The following ZNF138 variants were observed in gnomAD, a reference collection of about 807,000 sequenced individuals.
ZNF138 encodes zinc finger protein 138 (clone pHZ-32).
In ZNF138, 33 loss-of-function variants were observed where a neutral mutation model predicts 33.0. The ratio of observed to expected loss-of-function variants is 1.00; its 90% CI spans 0.76 to 1.34. The LOEUF (loss-of-function observed/expected upper bound fraction) is 1.34. Ranked by LOEUF, ZNF138 falls within the 40% of genes most tolerant of loss-of-function variation. The pLI is 0.00. For missense variants in ZNF138, 360 were observed against 370.8 expected (o/e 0.97, Z 0.24); for synonymous variants, 139 against 120.4 (o/e 1.15, Z -1.01).
chr7:64,801,314 T>C lies in ZNF138; in HGVS notation c.3+6743T>C, dbSNP rs560222551. ...GGGGGCATTTAGTGCTATAAATTTT[T>C]CTGTTAGCACTGCATTAGCTGTGTT... On this transcript the variant is annotated intron_variant, in intron 1 of 3. Transcript: ENST00000307355. Among the ~76,000 whole-genome samples the C allele has an allele frequency of 3.9e-5, 6 of 152,324 alleles. No homozygotes were observed. The South Asian group carries it at 1.0e-3, about 26-fold the overall frequency.
At chr7:64,841,237 T>A in the ZNF138 span, among the ~76,000 whole-genome samples, 1 of 152,280 alleles carries the variant, frequency 6.6e-6, no homozygotes, top group South Asian at 2.1e-4. Context: ...TCCAAAATTG[T>A]GTATTTTATT....
intron 2 of ZNF138, 49 bp downstream of exon 2, chr7:64,815,093 T>A (rs1727138026): frequency 5.7e-6 from 2 of 352,320 alleles, no homozygotes; most frequent in South Asian, 8.2e-5. Flanking sequence ...AAAGGTTTCA[T>A]TTTTTTTTTT....
intron 1 of ZNF138, chr7:64,814,095 T>C: frequency 8.1e-7 from 1 of 1,227,846 alleles, no homozygotes; most frequent in Non-Finnish European, 1.0e-6. Flanking sequence ...CTCTTCCACT[T>C]ACTGGATATT....
the ZNF138 span, among the ~76,000 whole-genome samples, chr7:64,843,040 T>C: frequency 1.3e-5 from 2 of 152,358 alleles, no homozygotes; most frequent in African/African-American, 4.8e-5. Context: ...ATTAAGTTTT[T>C]TAGAATCCCT....
downstream of ZNF138, among the ~76,000 whole-genome samples, chr7:64,834,267 CTAAACTA>C (rs1382372509): frequency 3.3e-5 from 5 of 152,042 alleles, no homozygotes; most frequent in Non-Finnish European, 7.4e-5. Context: ...GGGATGCATA[CTAAACTA>C]TATTTTTCCA....
At chr7:64,852,569 C>A in the ZNF138 span, 3 of 1,560,320 alleles carry the variant, frequency 1.9e-6, no homozygotes, top group African/African-American at 2.7e-5. Context: ...TGCACAGAAC[C>A]GAGCTGTTTG....
At chr7:64,805,748 G>A (rs552346638) in intron 1 of ZNF138, among the ~76,000 whole-genome samples, 1 of 152,354 alleles carries the variant, frequency 6.6e-6, no homozygotes, top group South Asian at 2.1e-4. Context: ...CATTTCTATA[G>A]GAGAGTGAGA....
intron 1 of ZNF138, among the ~76,000 whole-genome samples, chr7:64,804,435 G>A (rs1787410603): frequency 6.6e-6 from 1 of 152,172 alleles, no homozygotes; most frequent in Admixed American, 6.5e-5. Flanking sequence ...GGGGAGCTCA[G>A]TTGTTTGGAG....
At chr7:64,857,793 G>A in the ZNF138 span, among the ~76,000 whole-genome samples, 3 of 152,142 alleles carry the variant, frequency 2.0e-5, no homozygotes, top group African/African-American at 4.8e-5. Context: ...CATCATCATC[G>A]TTAAAGTCGC....
chr7:64,795,486 A>G (rs1041493762), intron 1 of ZNF138, among the ~76,000 whole-genome samples: 1 of 152,156 alleles, frequency 6.6e-6, no homozygotes, highest in Non-Finnish European at 1.5e-5. Flanking sequence ...CCAAATGCCA[A>G]CTTCCCCTTC....
intron 3 of ZNF138, among the ~76,000 whole-genome samples, chr7:64,817,728 C>T (rs10267592): frequency 0.99 from 150,036 of 152,236 alleles, 73,972 homozygotes; most frequent in Non-Finnish European, 1. Context: ...TTTATATTTC[C>T]ATTTTACCGA....
At chr7:64,804,866 A>G (rs895525055) in intron 1 of ZNF138, among the ~76,000 whole-genome samples, 2 of 152,212 alleles carry the variant, frequency 1.3e-5, no homozygotes, top group African/African-American at 4.8e-5. Context: ...AGCGGCAGAG[A>G]TGGAAGAGAA....
the ZNF138 span, among the ~76,000 whole-genome samples, chr7:64,840,108 G>C: frequency 1.3e-5 from 2 of 152,144 alleles, no homozygotes; most frequent in Non-Finnish European, 1.5e-5. Context: ...GCTGAGTCGG[G>C]GTATCTGAGG....
Position 64,832,560 on chromosome 7 carries a change from A to G in ZNF138, c.*358A>G. 1.7e-6 allele frequency: 1 copy of G among 595,986 alleles called. No homozygotes were observed. The highest frequency in any genetic ancestry group is 2.5e-5 in the Admixed American group (1 of 40,072). The allele number at this position is 595,986 out of a possible 1,614,324, so 36.9% of individuals were successfully genotyped here. Reference sequence around the variant, plus strand: ...CTCAACTCTTATTACACATAAGATAATTCACAGTGGAGAAAAACCCTACAA... The same window carrying G: ...CTCAACTCTTATTACACATAAGATAGTTCACAGTGGAGAAAAACCCTACAA... On this transcript the variant is annotated 3_prime_UTR_variant, in exon 4 of 4. Transcript: ENST00000307355.
At chr7:64,859,547 C>G in the ZNF138 span, among the ~76,000 whole-genome samples, 5 of 152,282 alleles carry the variant, frequency 3.3e-5, no homozygotes, top group Admixed American at 6.5e-5. Context: ...TTAGTCAGGA[C>G]TATCAGAGAA....
chr7:64,839,631 G>A, the ZNF138 span, among the ~76,000 whole-genome samples: 13 of 152,236 alleles, frequency 8.5e-5, 1 homozygote, highest in Admixed American at 5.9e-4. Context: ...AGCGTCTGCC[G>A]AATTGGACTG....
chr7:64,840,997 C>G, the ZNF138 span, among the ~76,000 whole-genome samples: 17 of 152,120 alleles, frequency 1.1e-4, no homozygotes, highest in African/African-American at 4.1e-4. Context: ...AATCTATACT[C>G]TGCTTTTTTT....
rs1790036802 is a variant in ZNF138 at position 64,830,993 on chromosome 7, A to G, written c.209-458A>G. On this transcript the variant is annotated intron_variant, in intron 3 of 3. Coordinates refer to ENST00000307355, the MANE Select transcript of ZNF138 (RefSeq NM_001271639.2). Reference sequence around the variant, plus strand: ...ACTCAACATTTTGTCATTCCAAAGTATCCTGCCATTTGTTTCAGCACTTTA... The same window carrying G: ...ACTCAACATTTTGTCATTCCAAAGTGTCCTGCCATTTGTTTCAGCACTTTA... 4 of 1,551,628 alleles carry G rather than the reference A, an allele frequency of 2.6e-6. No homozygotes were observed. The South Asian group carries it at 4.8e-5, about 18-fold the overall frequency.
intron 1 of ZNF138, among the ~76,000 whole-genome samples, chr7:64,799,305 T>G (rs1786954735): frequency 6.6e-6 from 1 of 152,106 alleles, no homozygotes; most frequent in Admixed American, 6.5e-5. Context: ...TAGCTGGGAT[T>G]ACAGACATGC....
Sources: allele counts gnomAD v4.1 joint callset (sites outside exome capture counted in the v4.1 genomes callset), GRCh38; gene constraint gnomAD v4.1.1; transcripts MANE v1.5; gene names NCBI Gene and HGNC (gene_info 2026-07-23, HGNC 2026-07-21).